The following CNTD1 variants were observed in gnomAD, a reference collection of about 807,000 sequenced individuals.
CNTD1 encodes cyclin N-terminal domain-containing protein 1.
Under a neutral mutation model 36.3 loss-of-function variants are expected in CNTD1, and 17 were observed. That is an observed-to-expected ratio of 0.47 (90% CI 0.32 to 0.70). The LOEUF (loss-of-function observed/expected upper bound fraction) is 0.70, where lower values mean the gene tolerates loss of function less well. CNTD1 is among the 30% of genes least tolerant of loss of function. CNTD1 has a pLI of 0.03. For synonymous variants in CNTD1, 128 were observed against 153.3 expected (o/e 0.83, Z 1.22); for missense variants, 338 against 386.1 (o/e 0.88, Z 1.04).
At chr17:42,808,553 TAAAAAAAAA>T (rs775660371) in intron 6 of CNTD1, among the ~76,000 whole-genome samples, 1 of 99,918 alleles carries the variant, frequency 1.0e-5, no homozygotes. Flanking sequence ...CCCATCTCAT[TAAAAAAAAA>T]AAAAAAAAAA....
chr17:42,804,097 C>G, intron 2 of CNTD1, 128 bp from the exon 3 acceptor site: 1 of 828,348 alleles, frequency 1.2e-6, no homozygotes, highest in Non-Finnish European at 1.8e-6. Context: ...CCTTGGCCTC[C>G]CAAAGTGCTG....
chr17:42,809,430 A>C lies in CNTD1; in HGVS notation c.888A>C (p.Ala296=), dbSNP rs771597067. 3 of 1,614,184 alleles carry C rather than the reference A, an allele frequency of 1.9e-6. No individual in the cohort carries two copies. ...ALASIAEFSY[A]ILTHGVGANT... ...CAAGCATTGCTGAGTTCTCTTATGC[A>C]ATCCTGACTCACGGAGTGGGAGCCA... Residue 296 remains alanine (A), a synonymous_variant, in exon 7 of 7, where the codon GCA becomes GCC. Transcript: ENST00000588408.
Position 42,806,709 on chromosome 17 carries a change from C to T in CNTD1, c.616C>T (p.His206Tyr). Residue 206 changes from histidine to tyrosine, a missense_variant, in exon 5 of 7, where the codon CAT becomes TAT. By Grantham distance (83) the His-to-Tyr change is moderately conservative. Coordinates refer to ENST00000588408, the MANE Select transcript of CNTD1 (RefSeq NM_173478.3). ...NGCLVPAMRL[H>Y]ATCLTLLDLV... ...CTGTTTGGTTCCAGCCATGAGGCTG[C>T]ATGCAACCTGCCTGACACTGCTCGA... 6.2e-7 allele frequency: 1 copy of T among 1,614,096 alleles called. No individual in the cohort carries two copies. Among genetic ancestry groups the T allele is most frequent in the Non-Finnish European group, 8.5e-7 (1 of 1,179,942 alleles).
rs570274987 is a variant in CNTD1 at position 42,808,995 on chromosome 17, G to C, written c.823-370G>C. 5.5e-4 allele frequency among the ~76,000 whole-genome samples: 83 copies of C among 152,252 alleles called. 1 individual carries two copies. The South Asian group carries it at 0.017, about 30-fold the overall frequency. On this transcript the variant is annotated intron_variant, in intron 6 of 6. Coordinates refer to ENST00000588408, the MANE Select transcript of CNTD1 (RefSeq NM_173478.3). ...GCCCAGGAGGTGGAGGCTGCAGTGA[G>C]CCAAAAATCACACCACTGCATTGCA...
Position 42,811,189 on chromosome 17 carries a change from C to T in CNTD1, c.*1654C>T. 2.7e-6 allele frequency: 1 copy of T among 367,752 alleles called. No homozygotes were observed. Among genetic ancestry groups the T allele is most frequent in the Non-Finnish European group, 4.8e-6 (1 of 207,936 alleles). 22.8% of individuals were successfully genotyped at this position (367,752 alleles called of 1,614,324 possible). On this transcript the variant is annotated 3_prime_UTR_variant, in exon 7 of 7. Coordinates refer to ENST00000588408, the MANE Select transcript of CNTD1 (RefSeq NM_173478.3). Reference sequence around the variant, plus strand: ...CTGGAGTAGGGGTGAGTGAGGGTTACAGTACTTCTTGCTGTTTTCCTAGGC... The same window carrying T: ...CTGGAGTAGGGGTGAGTGAGGGTTATAGTACTTCTTGCTGTTTTCCTAGGC...
rs923539411 is a variant in CNTD1, at chr17:42,806,423, G to A, written c.581-251G>A. Among the ~76,000 whole-genome samples, 16 of 152,210 alleles carry A rather than the reference G, an allele frequency of 1.1e-4. 2 individuals are homozygous for A. In the South Asian group the frequency reaches 2.3e-3, roughly 22 times the overall value. ...GGCACTCTTATTGCAGGATCAAAGA[G>A]GTGACTTTATAGAGAGGCATAAGAT... On this transcript the variant is annotated intron_variant, in intron 4 of 6. Coordinates refer to ENST00000588408, the MANE Select transcript of CNTD1 (RefSeq NM_173478.3).
intron 1 of CNTD1, among the ~76,000 whole-genome samples, chr17:42,801,819 G>A (rs1172250122): frequency 6.6e-6 from 1 of 151,914 alleles, no homozygotes. Flanking sequence ...TGTGTTCAGG[G>A]AATTGGAGTA....
chr17:42,803,708 C>T lies in CNTD1; in HGVS notation c.245+13C>T. 2 of 1,607,026 alleles carry T rather than the reference C, an allele frequency of 1.2e-6. No homozygotes were observed. The highest frequency in any genetic ancestry group is 1.7e-6 in the Non-Finnish European group (2 of 1,174,148). On this transcript the variant is annotated intron_variant, in intron 2 of 6. Transcript: ENST00000588408. Reference sequence around the variant, plus strand: ...AAATCCTAGAAAGGTAAAGCCCTGGCATAATGCCTTTTGAACGGCACCTCT... The same window carrying T: ...AAATCCTAGAAAGGTAAAGCCCTGGTATAATGCCTTTTGAACGGCACCTCT...
intron 4 of CNTD1, 26 bp from the exon 5 acceptor site, chr17:42,806,648 C>T (rs1567662838): frequency 1.2e-6 from 2 of 1,610,490 alleles, no homozygotes; most frequent in Non-Finnish European, 1.7e-6. Flanking sequence ...CATAAATTCT[C>T]CCTATCATTC....
At chr17:42,808,786 G>A (rs1200028105) in intron 6 of CNTD1, among the ~76,000 whole-genome samples, 4 of 151,738 alleles carry the variant, frequency 2.6e-5, no homozygotes, top group East Asian at 2.0e-4. Context: ...GGTTGCTCAC[G>A]CCTGTAACTC....
intron 6 of CNTD1, 119 bp downstream of exon 6, chr17:42,807,983 T>G: frequency 1.4e-6 from 1 of 707,212 alleles, no homozygotes; most frequent in Non-Finnish European, 2.4e-6. Context: ...AGGATTAGGA[T>G]GGGTGTGCAA....
At position 42,809,794 on chromosome 17, in the gene CNTD1, T is replaced by C. The variant is rs571026478; in HGVS notation, c.*259T>C. On this transcript the variant is annotated 3_prime_UTR_variant, in exon 7 of 7. Transcript: ENST00000588408. ...TCATTTTTGTTTAACAAGGTATTTA[T>C]ACTTTTAGCTTAATTTCATTAAGAG... The C allele has an allele frequency of 4.5e-4, 164 of 363,552 alleles. No individual in the cohort carries two copies. The highest frequency in any genetic ancestry group is 2.3e-4 in the Non-Finnish European group (46 of 199,336). 22.5% of individuals were successfully genotyped at this position (363,552 alleles called of 1,614,324 possible). A position where few individuals can be genotyped will look rare whatever the true frequency, so the allele number is the denominator to read the frequency against.
rs765700727 is a variant in CNTD1 at position 42,809,573 on chromosome 17, C to A, written c.*38C>A. 9 of 1,573,630 alleles carry A rather than the reference C, an allele frequency of 5.7e-6. No individual in the cohort carries two copies. The East Asian group carries it at 1.8e-4, about 31-fold the overall frequency. On this transcript the variant is annotated 3_prime_UTR_variant, in exon 7 of 7. Transcript: ENST00000588408. ...CCACCAAATATAAACAGCCATCCGT[C>A]ACTGCACTCATGCCTCCCTCTGTTT...
intron 1 of CNTD1, among the ~76,000 whole-genome samples, chr17:42,802,776 G>C (rs1418570071): frequency 1.3e-5 from 2 of 152,232 alleles, no homozygotes; most frequent in Non-Finnish European, 1.5e-5. Flanking sequence ...AATGCTAAAA[G>C]GTCTTCAGTC....
chr17:42,808,565 A>AG (rs1392991955), intron 6 of CNTD1, among the ~76,000 whole-genome samples: 1 of 150,968 alleles, frequency 6.6e-6, no homozygotes, highest in East Asian at 2.0e-4. Flanking sequence ...AAAAAAAAAA[A>AG]AAAAAAAAAA....
At chr17:42,804,825 A>C (rs1437688223) in intron 3 of CNTD1, among the ~76,000 whole-genome samples, 1 of 152,108 alleles carries the variant, frequency 6.6e-6, no homozygotes, top group African/African-American at 2.4e-5. Flanking sequence ...AACAACAAAA[A>C]AACAAGGTAG....
In CNTD1 at chr17:42,810,851, G is replaced by C; in HGVS notation, c.*1316G>C. The C allele has an allele frequency of 6.2e-7, 1 of 1,613,674 alleles. No individual in the cohort carries two copies. Among genetic ancestry groups the C allele is most frequent in the Non-Finnish European group, 8.5e-7 (1 of 1,179,810 alleles). ...GAGAGCTTTTGTCCACTGCTCCTCA[G>C]AGTTAAACTGGGTTTTGATGGAATA... On this transcript the variant is annotated 3_prime_UTR_variant, in exon 7 of 7. Coordinates refer to ENST00000588408, the MANE Select transcript of CNTD1 (RefSeq NM_173478.3).
Position 42,811,292 on chromosome 17 carries a change from T to C in CNTD1, c.*1757T>C, listed in dbSNP as rs564563885. On this transcript the variant is annotated 3_prime_UTR_variant, in exon 7 of 7. Transcript: ENST00000588408. The stretch of plus-strand genomic sequence containing the variant: ...TTTGGGGTGATAGAAGCAGCCTTAC[T>C]CTAAGTAAAAACTAGAGTTTCCATC... 1 of 278,490 alleles carries C rather than the reference T, an allele frequency of 3.6e-6. No individual in the cohort carries two copies. Among genetic ancestry groups the C allele is most frequent in the African/African-American group, 2.2e-5 (1 of 45,928 alleles). 17.3% of individuals were successfully genotyped at this position (278,490 alleles called of 1,614,324 possible). A position where few individuals can be genotyped will look rare whatever the true frequency, so the allele number is the denominator to read the frequency against.
In CNTD1 at chr17:42,811,010, A is replaced by G. The variant is rs912835349; in HGVS notation, c.*1475A>G. ...GGGGCAGGGACTTGATCATGGGACC[A>G]TTCACGTCATTTTATCTATTAAAGA... is the stretch of plus-strand genomic sequence containing the variant. On this transcript the variant is annotated 3_prime_UTR_variant, in exon 7 of 7. Coordinates refer to ENST00000588408, the MANE Select transcript of CNTD1 (RefSeq NM_173478.3). 1.5e-6 allele frequency: 2 copies of G among 1,350,202 alleles called. No homozygotes were observed. The highest frequency in any genetic ancestry group is 2.9e-5 in the African/African-American group (2 of 68,278). The allele number at this position is 1,350,202 out of a possible 1,614,324, so 83.6% of individuals were successfully genotyped here.
Sources: allele counts gnomAD v4.1 joint callset (sites outside exome capture counted in the v4.1 genomes callset), GRCh38; gene constraint gnomAD v4.1.1; transcripts MANE v1.5; gene names NCBI Gene and HGNC (gene_info 2026-07-23, HGNC 2026-07-21).